FHIT: variants seen among roughly 807,000 people sequenced by gnomAD.
FHIT encodes the protein bis(5'-adenosyl)-triphosphatase.
Under a neutral mutation model 17.9 loss-of-function variants are expected in FHIT, and 19 were observed. The observed-to-expected ratio is 1.06, with a 90% confidence interval of 0.74 to 1.56. The LOEUF is 1.56. Ranked by LOEUF, FHIT falls within the 40% of genes most tolerant of loss-of-function variation. The pLI, the probability that FHIT is intolerant of heterozygous loss-of-function variation, is 0.00. For synonymous variants in FHIT, 81 were observed against 69.7 expected, an observed-to-expected ratio of 1.16 and a Z score of -0.81; for missense variants, 248 against 189.2, an observed-to-expected ratio of 1.31 and a Z score of -1.82.
intron 5 of FHIT, among the ~76,000 whole-genome samples, chr3:60,173,139 C>G (rs1701493275): frequency 6.6e-6 from 1 of 152,190 alleles, no homozygotes; most frequent in Non-Finnish European, 1.5e-5. Context: ...CATTTCCACA[C>G]TAAAATCAGC....
chr3:61,039,987 A>T lies in FHIT; in HGVS notation c.-111+2060T>A, dbSNP rs367997300. Among the ~76,000 whole-genome samples, 196 of 152,360 alleles carry T rather than the reference A, an allele frequency of 1.3e-3. 2 individuals carry two copies. Among genetic ancestry groups the T allele is most frequent in the African/African-American group, 4.4e-3 (184 of 41,600 alleles). On this transcript the variant is annotated intron_variant, in intron 3 of 9. Coordinates refer to ENST00000492590, the MANE Select transcript of FHIT (RefSeq NM_002012.4). ...TTGTAATTCAAGTGACATCACTTAC[A>T]GTAGCAAAGAAAGAGCATCAGAATG...
At chr3:60,207,331 T>A (rs1404776191) in intron 5 of FHIT, among the ~76,000 whole-genome samples, 2 of 152,106 alleles carry the variant, frequency 1.3e-5, no homozygotes, top group African/African-American at 4.8e-5. Context: ...TCAACAATCG[T>A]GTCCAGTCAT....
At chr3:59,845,578 A>T (rs1443411796) in intron 8 of FHIT, among the ~76,000 whole-genome samples, 1 of 151,992 alleles carries the variant, frequency 6.6e-6, no homozygotes, top group Admixed American at 6.6e-5. Context: ...CAAATTTTTG[A>T]ATTTTTCAGT....
chr3:60,679,794 G>A (rs1353214780), intron 4 of FHIT, among the ~76,000 whole-genome samples: 1 of 151,506 alleles, frequency 6.6e-6, no homozygotes, highest in South Asian at 2.1e-4. Flanking sequence ...CACTACATTT[G>A]CCAACTAGCT....
chr3:60,140,798 G>A (rs950750229), intron 5 of FHIT, among the ~76,000 whole-genome samples: 2 of 151,888 alleles, frequency 1.3e-5, no homozygotes, highest in African/African-American at 4.8e-5. Flanking sequence ...GGCTGGTTTC[G>A]AACTCCCAAC....
intron 3 of FHIT, among the ~76,000 whole-genome samples, chr3:60,989,943 G>A (rs1415694283): frequency 6.6e-6 from 1 of 152,188 alleles, no homozygotes; most frequent in Admixed American, 6.5e-5. Context: ...GCAATTTGAT[G>A]TGGGGTAATA....
intron 7 of FHIT, among the ~76,000 whole-genome samples, chr3:59,956,263 G>A (rs568067793): frequency 1.3e-5 from 2 of 152,244 alleles, no homozygotes; most frequent in East Asian, 3.9e-4. Flanking sequence ...CTTCTGGCCA[G>A]GCATGGTGGC....
At chr3:59,993,778 C>G (rs1210433698) in intron 7 of FHIT, among the ~76,000 whole-genome samples, 1 of 151,974 alleles carries the variant, frequency 6.6e-6, no homozygotes, top group Non-Finnish European at 1.5e-5. Flanking sequence ...AACTCTGCCT[C>G]TGACTGGATT....
rs113600624 is a variant in FHIT at position 60,010,255 on chromosome 3, G to A, written c.279+1116C>T. ...TATTTAGAGCCTCACATGGAGGTGA[G>A]ACAGTGGGACAGAGGAAAGCTGAAA... is the stretch of plus-strand genomic sequence containing the variant. On this transcript the variant is annotated intron_variant, in intron 7 of 9. Coordinates refer to ENST00000492590, the MANE Select transcript of FHIT (RefSeq NM_002012.4). 1.2e-3 allele frequency among the ~76,000 whole-genome samples: 187 copies of A among 152,340 alleles called. 2 individuals are homozygous for A. Among genetic ancestry groups the A allele is most frequent in the African/African-American group, 4.1e-3 (170 of 41,582 alleles).
At chr3:59,942,872 C>G (rs1575737162) in intron 7 of FHIT, among the ~76,000 whole-genome samples, 1 of 152,018 alleles carries the variant, frequency 6.6e-6, no homozygotes, top group Non-Finnish European at 1.5e-5. Flanking sequence ...TGCTCTCAAA[C>G]TCCTGGGCTC....
chr3:59,889,898 G>A (rs9853482), intron 8 of FHIT, among the ~76,000 whole-genome samples: 8 of 151,966 alleles, frequency 5.3e-5, no homozygotes, highest in Non-Finnish European at 2.9e-5. Flanking sequence ...TTTCTTTTGC[G>A]AATGATATTG....
intron 5 of FHIT, among the ~76,000 whole-genome samples, chr3:60,467,932 G>T (rs2032887647): frequency 1.3e-5 from 2 of 151,892 alleles, no homozygotes. Flanking sequence ...TTGTATTGGG[G>T]TCTTATCTAA....
intron 5 of FHIT, among the ~76,000 whole-genome samples, chr3:60,306,595 A>G (rs73836718): frequency 0.037 from 5,610 of 152,250 alleles, 348 homozygotes; most frequent in African/African-American, 0.13. Context: ...CATTTCCATC[A>G]GGAACAACTG....
intron 5 of FHIT, among the ~76,000 whole-genome samples, chr3:60,246,271 G>T (rs1705391134): frequency 6.6e-6 from 1 of 152,030 alleles, no homozygotes; most frequent in Non-Finnish European, 1.5e-5. Flanking sequence ...TATATATAGA[G>T]AGTTATCTTT....
chr3:60,346,332 G>T (rs1357763426), intron 5 of FHIT, among the ~76,000 whole-genome samples: 1 of 152,176 alleles, frequency 6.6e-6, no homozygotes, highest in African/African-American at 2.4e-5. Flanking sequence ...CTGATCTGAA[G>T]TCACAAGCCT....
intron 1 of FHIT, among the ~76,000 whole-genome samples, chr3:61,248,605 A>C (rs1325073408): frequency 6.6e-6 from 1 of 152,216 alleles, no homozygotes; most frequent in African/African-American, 2.4e-5. Context: ...CTGAAAGAAC[A>C]AAAGAGAAAA....
intron 2 of FHIT, among the ~76,000 whole-genome samples, chr3:61,098,918 T>C (rs533589380): frequency 1.3e-5 from 2 of 152,342 alleles, no homozygotes; most frequent in East Asian, 1.9e-4. Flanking sequence ...TATTTCTTTA[T>C]CTTGCCTGAT....
intron 5 of FHIT, among the ~76,000 whole-genome samples, chr3:60,272,611 T>C (rs925509130): frequency 6.6e-6 from 1 of 152,178 alleles, no homozygotes; most frequent in African/African-American, 2.4e-5. Context: ...AAGAATACTC[T>C]TGAAGTTCTG....
chr3:59,889,759 A>G (rs180949812), intron 8 of FHIT, among the ~76,000 whole-genome samples: 4 of 152,372 alleles, frequency 2.6e-5, no homozygotes, highest in African/African-American at 9.6e-5. Context: ...TTAAGAAGAC[A>G]CTAATTCTTC....
Sources: allele counts gnomAD v4.1 joint callset (sites outside exome capture counted in the v4.1 genomes callset), GRCh38; gene constraint gnomAD v4.1.1; transcripts MANE v1.5; gene names NCBI Gene and HGNC (gene_info 2026-07-23, HGNC 2026-07-21).